Variants in AIMP2 observed in about 807,000 individuals in gnomAD.
The protein encoded by AIMP2 is aminoacyl tRNA synthase complex-interacting multifunctional protein 2.
A neutral mutation model predicts 23.4 loss-of-function variants in AIMP2; 20 were observed. The observed-to-expected ratio is 0.85, with a 90% confidence interval of 0.60 to 1.24. The LOEUF is 1.24. Among genes scored for constraint, AIMP2 ranks in the 50% most tolerant of loss-of-function variants. The probability of loss-of-function intolerance (pLI) is 0.00; values close to 1 mark genes in which losing one functional copy is unlikely to be tolerated. For synonymous variants in AIMP2, 210 were observed against 170.4 expected (o/e 1.23, Z -1.81); for missense variants, 515 against 414.5 (o/e 1.24, Z -2.10).
intron 1 of AIMP2, among the ~76,000 whole-genome samples, chr7:6,009,809 G>A (rs1332144523): frequency 1.2e-4 from 18 of 150,206 alleles, no homozygotes. Flanking sequence ...AAATTGGCCG[G>A]GTGTGGTGAG....
chr7:6,011,513 T>G (rs1274124776), intron 1 of AIMP2, among the ~76,000 whole-genome samples: 1 of 152,232 alleles, frequency 6.6e-6, no homozygotes, highest in Non-Finnish European at 1.5e-5. Context: ...GAAACAGGCC[T>G]GTCCATTTCT....
intron 3 of AIMP2, among the ~76,000 whole-genome samples, chr7:6,018,313 A>T (rs1332839518): frequency 6.7e-6 from 1 of 149,488 alleles, no homozygotes; most frequent in Non-Finnish European, 1.5e-5. Flanking sequence ...GGCCCAGCTA[A>T]TTTTTTTTAT....
intron 3 of AIMP2, among the ~76,000 whole-genome samples, chr7:6,018,506 C>T (rs7384784): frequency 0.8 from 121,461 of 151,516 alleles, 48,834 homozygotes; most frequent in East Asian, 0.91. Flanking sequence ...TTGCAGCAAT[C>T]TGAAAAAACT....
At position 6,023,688 on chromosome 7, in the gene AIMP2, GTGAATTGCCGTAAC is replaced by G; in HGVS notation, c.*1_*14del. On this transcript the variant is annotated stop_retained_variant and 3_prime_UTR_variant, in exon 4 of 4. Transcript: ENST00000223029. ...TTAACACGGCCCTCAAGCTCCTTAA[GTGAATTGCCGTAAC>G]TGATTTTAAAGGGTTTAGATTTTAA... is the stretch of plus-strand genomic sequence containing the variant. 2 of 1,613,962 alleles carry G rather than the reference GTGAATTGCCGTAAC, an allele frequency of 1.2e-6. No homozygotes were observed. Among genetic ancestry groups the G allele is most frequent in the Non-Finnish European group, 1.7e-6 (2 of 1,179,984 alleles).
At chr7:6,012,753 T>C in intron 1 of AIMP2, 1 of 824,652 alleles carries the variant, frequency 1.2e-6, no homozygotes, top group South Asian at 2.0e-5. Context: ...GAAATGGAGT[T>C]TCATCATGTT....
chr7:6,015,416 C>T (rs1447045186), intron 2 of AIMP2, 64 bp downstream of exon 2: 11 of 1,551,570 alleles, frequency 7.1e-6, no homozygotes, highest in Admixed American at 5.1e-5. Flanking sequence ...GGAAATTGTG[C>T]TGCTGTGATT....
chr7:6,019,222 T>A (rs1787229026), intron 3 of AIMP2, among the ~76,000 whole-genome samples: 1 of 151,192 alleles, frequency 6.6e-6, no homozygotes, highest in African/African-American at 2.4e-5. Context: ...CATGTTGCAG[T>A]CAAAAGTGAC....
chr7:6,017,789 G>C, intron 2 of AIMP2, 25 bp from the exon 3 acceptor site: 2 of 1,598,302 alleles, frequency 1.3e-6, no homozygotes, highest in Middle Eastern at 1.7e-4. Context: ...ACTGTTATTC[G>C]TACATTGTCT....
chr7:6,020,608 G>A (rs1787335357), intron 3 of AIMP2, among the ~76,000 whole-genome samples: 1 of 152,204 alleles, frequency 6.6e-6, no homozygotes, highest in Non-Finnish European at 1.5e-5. Flanking sequence ...ATTTTAGGAA[G>A]AGGTTTGGCT....
chr7:6,014,106 G>C (rs758216499), intron 1 of AIMP2, among the ~76,000 whole-genome samples: 3 of 152,058 alleles, frequency 2.0e-5, no homozygotes, highest in Non-Finnish European at 1.5e-5. Flanking sequence ...ACTTATTTAA[G>C]CAAAGTATTC....
At chr7:6,012,694 G>A (rs1786766369) in intron 1 of AIMP2, 1 of 430,356 alleles carries the variant, frequency 2.3e-6, no homozygotes, top group South Asian at 1.9e-5. Flanking sequence ...CCAGTAGCTG[G>A]GATTACAGGT....
intron 1 of AIMP2, among the ~76,000 whole-genome samples, chr7:6,013,487 C>T (rs79713402): frequency 6.6e-6 from 1 of 152,048 alleles, no homozygotes; most frequent in African/African-American, 2.4e-5. Context: ...TCTCGAACTC[C>T]TGACCTCAGG....
At chr7:6,012,352 T>C (rs1357656565) in intron 1 of AIMP2, among the ~76,000 whole-genome samples, 1 of 151,834 alleles carries the variant, frequency 6.6e-6, no homozygotes, top group East Asian at 1.9e-4. Flanking sequence ...TTAAAACTAA[T>C]GGAGAAAAAC....
intron 1 of AIMP2, among the ~76,000 whole-genome samples, chr7:6,013,508 C>T (rs575334675): frequency 1.6e-4 from 24 of 152,130 alleles, no homozygotes; most frequent in Middle Eastern, 3.4e-3. Flanking sequence ...TGATCTGCCC[C>T]TCTCGGCCTC....
intron 2 of AIMP2, among the ~76,000 whole-genome samples, chr7:6,015,613 A>G (rs1466156120): frequency 1.3e-5 from 2 of 152,172 alleles, no homozygotes; most frequent in Non-Finnish European, 2.9e-5. Flanking sequence ...AGTCCCAGCT[A>G]CTCGGGAGGC....
intron 1 of AIMP2, among the ~76,000 whole-genome samples, chr7:6,011,034 C>G (rs1173399285): frequency 1.3e-5 from 2 of 152,170 alleles, no homozygotes; most frequent in Non-Finnish European, 2.9e-5. Flanking sequence ...TATTCATCAT[C>G]TCTGTACTAT....
chr7:6,009,991 A>ATATATATATATATATG (rs1562717690), intron 1 of AIMP2, among the ~76,000 whole-genome samples: 1 of 113,532 alleles, frequency 8.8e-6, no homozygotes, highest in Admixed American at 9.2e-5. Context: ...ATATATATAT[A>ATATATATATATATATG]TGTATGTATC....
chr7:6,009,288 G>T lies in AIMP2; in HGVS notation c.-76G>T, dbSNP rs1201012831. 17 of 1,608,302 alleles carry T rather than the reference G, an allele frequency of 1.1e-5. No individual in the cohort carries two copies. In the Admixed American group the frequency reaches 1.7e-4, roughly 16 times the overall value. On this transcript the variant is annotated 5_prime_UTR_variant, in exon 1 of 4. Transcript: ENST00000223029. The stretch of plus-strand genomic sequence containing the variant: ...AGCAGGGTCAGAAGGGAGGTGGCCG[G>T]TCTCCGTCGTGACCTCTGACGGTTT...
chr7:6,021,095 G>C (rs1406720117), intron 3 of AIMP2, among the ~76,000 whole-genome samples: 2 of 152,082 alleles, frequency 1.3e-5, no homozygotes, highest in Non-Finnish European at 2.9e-5. Flanking sequence ...GGCACTCAGA[G>C]CCCCACGAGT....
Sources: allele counts gnomAD v4.1 joint callset (sites outside exome capture counted in the v4.1 genomes callset), GRCh38; gene constraint gnomAD v4.1.1; transcripts MANE v1.5; gene names NCBI Gene and HGNC (gene_info 2026-07-23, HGNC 2026-07-21).